The following SORCS3 variants were observed in gnomAD, a reference collection of about 807,000 sequenced individuals.
SORCS3 encodes the protein sortilin related VPS10 domain containing receptor 3.
In SORCS3, 57 loss-of-function variants were observed where a neutral mutation model predicts 146.3. The observed-to-expected ratio is 0.39, with a 90% CI of 0.31 to 0.49. The LOEUF (loss-of-function observed/expected upper bound fraction) is 0.49, where lower values mean the gene tolerates loss of function less well. SORCS3 is among the 20% of genes least tolerant of loss of function. SORCS3 has a pLI of 0.92. For synonymous variants in SORCS3, 653 were observed against 618.5 expected (o/e 1.06, Z -0.83); for missense variants, 1,341 against 1,575.5 (o/e 0.85, Z 2.52).
chr10:105,102,805 T>TG (rs1199191184), intron 6 of SORCS3, among the ~76,000 whole-genome samples: 1 of 138,308 alleles, frequency 7.2e-6, no homozygotes, highest in Non-Finnish European at 1.6e-5. Flanking sequence ...TTTTTTTTTT[T>TG]TGTGAGATGG....
chr10:104,802,352 A>G (rs1336102506), intron 1 of SORCS3, among the ~76,000 whole-genome samples: 3 of 152,228 alleles, frequency 2.0e-5, no homozygotes, highest in Non-Finnish European at 4.4e-5. Context: ...GGGTTTATAC[A>G]AAGTTGATTT....
In SORCS3 at chr10:105,264,009, C is replaced by T. The variant is rs1430450573; in HGVS notation, c.*635C>T. On this transcript the variant is annotated 3_prime_UTR_variant, in exon 27 of 27. Transcript: ENST00000369701. ...AAAGATGCGTGTGTTGGCTTACGCA[C>T]TGGCCCTCAGAGCTGACCAACCCGC... The T allele has an allele frequency of 6.6e-6, 1 of 152,528 alleles. No homozygotes were observed. Among genetic ancestry groups the T allele is most frequent in the South Asian group, 2.1e-4 (1 of 4,828 alleles). The allele number at this position is 152,528 out of a possible 1,614,324, so 9.4% of individuals were successfully genotyped here. A position where few individuals can be genotyped will look rare whatever the true frequency, so the allele number is the denominator to read the frequency against.
intron 4 of SORCS3, among the ~76,000 whole-genome samples, chr10:105,031,280 CA>C (rs1195044797): frequency 6.6e-6 from 1 of 151,238 alleles, no homozygotes; most frequent in African/African-American, 2.4e-5. Flanking sequence ...GTCTGGGCAA[CA>C]AGGGTGAGAC....
intron 1 of SORCS3, among the ~76,000 whole-genome samples, chr10:104,802,149 C>T (rs766365039): frequency 3.3e-5 from 5 of 152,090 alleles, no homozygotes; most frequent in African/African-American, 4.8e-5. Flanking sequence ...ACATTATTTT[C>T]GGTAATGACC....
At chr10:105,142,804 A>G (rs1242722782) in intron 8 of SORCS3, among the ~76,000 whole-genome samples, 2 of 152,096 alleles carry the variant, frequency 1.3e-5, no homozygotes, top group Admixed American at 6.5e-5. Context: ...CCTCTTACCT[A>G]AGTCTGGGTT....
At chr10:104,977,221 G>A (rs1439414545) in intron 3 of SORCS3, 114 bp from the exon 4 acceptor site, 3 of 719,956 alleles carry the variant, frequency 4.2e-6, no homozygotes, top group Non-Finnish European at 6.0e-6. Flanking sequence ...AGGCCCAGAT[G>A]CTCCTTTATG....
At chr10:104,751,923 G>GAATATATATATATATATATATA (rs1564675362) in intron 1 of SORCS3, among the ~76,000 whole-genome samples, 1 of 21,740 alleles carries the variant, frequency 4.6e-5, no homozygotes, top group Non-Finnish European at 1.0e-4. Flanking sequence ...CTAATAGGAA[G>GAATATATATATATATATATATA]CATATATATA....
chr10:104,968,353 T>C (rs925009938), intron 3 of SORCS3, among the ~76,000 whole-genome samples: 2 of 152,122 alleles, frequency 1.3e-5, no homozygotes, highest in Non-Finnish European at 2.9e-5. Context: ...TGACCTCAGG[T>C]GATCTACCCG....
intron 3 of SORCS3, among the ~76,000 whole-genome samples, chr10:104,950,207 C>T (rs1324422232): frequency 1.3e-5 from 2 of 152,266 alleles, no homozygotes; most frequent in African/African-American, 4.8e-5. Context: ...AAATGTTACC[C>T]TCAGAAATAA....
chr10:105,099,234 T>A (rs2055766847), intron 6 of SORCS3, among the ~76,000 whole-genome samples: 1 of 152,210 alleles, frequency 6.6e-6, no homozygotes, highest in Admixed American at 6.5e-5. Flanking sequence ...ATTTGAGAGT[T>A]AATGTTACAT....
chr10:105,111,490 CT>C (rs2055858754), intron 7 of SORCS3, among the ~76,000 whole-genome samples: 1 of 152,130 alleles, frequency 6.6e-6, no homozygotes, highest in Non-Finnish European at 1.5e-5. Context: ...AGTTAGTTAT[CT>C]TTTTCAAGCA....
intron 2 of SORCS3, among the ~76,000 whole-genome samples, chr10:104,915,526 T>A (rs1309583723): frequency 2.2e-5 from 1 of 44,664 alleles, no homozygotes; most frequent in Non-Finnish European, 4.2e-5. Flanking sequence ...GGTGGGGGGG[T>A]GGGGCGGGGC....
intron 21 of SORCS3, among the ~76,000 whole-genome samples, chr10:105,246,387 A>G (rs2056866404): frequency 6.6e-6 from 1 of 151,862 alleles, no homozygotes; most frequent in South Asian, 2.1e-4. Context: ...TTGGTTTTAC[A>G]TGTCTTCATT....
intron 1 of SORCS3, among the ~76,000 whole-genome samples, chr10:104,806,506 G>A (rs2017681242): frequency 6.6e-6 from 1 of 152,152 alleles, no homozygotes; most frequent in Non-Finnish European, 1.5e-5. Flanking sequence ...CCACAACATT[G>A]TTTATTACCT....
Position 105,146,509 on chromosome 10 carries a change from C to T in SORCS3, c.1303-1108C>T, listed in dbSNP as rs149489198. ...GAGGGCTGAGACCCTAACTTGGGGT[C>T]CTGACTCCATCTGAAAGACCAGAGA... On this transcript the variant is annotated intron_variant, in intron 8 of 26. Coordinates refer to ENST00000369701, the MANE Select transcript of SORCS3 (RefSeq NM_014978.3). Among the ~76,000 whole-genome samples the T allele has an allele frequency of 5.9e-5, 9 of 152,116 alleles. No individual in the cohort carries two copies. The East Asian group carries it at 1.7e-3, about 29-fold the overall frequency.
intron 2 of SORCS3, among the ~76,000 whole-genome samples, chr10:104,864,385 C>T (rs1160990669): frequency 6.6e-6 from 1 of 152,152 alleles, no homozygotes; most frequent in East Asian, 1.9e-4. Context: ...TCAGGGGCCC[C>T]ATCCAGCCTT....
At chr10:104,995,185 A>T (rs1589584680) in intron 4 of SORCS3, among the ~76,000 whole-genome samples, 2 of 120,674 alleles carry the variant, frequency 1.7e-5, no homozygotes, top group African/African-American at 6.7e-5. Flanking sequence ...TTTGGGATGG[A>T]GTCTTGCTCT....
chr10:104,647,960 G>A (rs2015514116), intron 1 of SORCS3, among the ~76,000 whole-genome samples: 1 of 152,218 alleles, frequency 6.6e-6, no homozygotes. Context: ...CCTAGAAACT[G>A]TGGGGTTGGT....
At chr10:105,087,116 G>T (rs1473763356) in intron 5 of SORCS3, among the ~76,000 whole-genome samples, 2 of 152,174 alleles carry the variant, frequency 1.3e-5, no homozygotes, top group Non-Finnish European at 2.9e-5. Context: ...TAAGGTGTAA[G>T]GAAGGGGTTC....
Sources: gnomAD v4.1 joint callset for allele counts (sites outside exome capture counted in the v4.1 genomes callset) on GRCh38, gnomAD v4.1.1 for gene constraint, MANE v1.5 for transcripts, NCBI Gene and HGNC (gene_info 2026-07-23, HGNC 2026-07-21) for gene names.